SAMHD1: variants seen among roughly 807,000 people sequenced by gnomAD.
SAMHD1 encodes deoxynucleoside triphosphate triphosphohydrolase SAMHD1.
SAMHD1 carries 54 observed loss-of-function variants against 79.6 expected under a neutral mutation model. The observed-to-expected ratio is 0.68, with a 90% CI of 0.55 to 0.85. SAMHD1 has a LOEUF of 0.85. SAMHD1 is among the 40% of genes least tolerant of loss of function. SAMHD1 has a pLI of 0.00. For missense variants in SAMHD1, 663 were observed against 782.7 expected, an observed-to-expected ratio of 0.85 and a Z score of 1.82; for synonymous variants, 260 against 264.1, an observed-to-expected ratio of 0.98 and a Z score of 0.15.
Position 36,919,561 on chromosome 20 carries a change from C to A in SAMHD1, c.697-42G>T, listed in dbSNP as rs144758822. ...CAATATGATGTGTTAAAGATTCTAG[C>A]CCATTGGGAGCCCTGACTAACAAAA... On this transcript the variant is annotated intron_variant, in intron 6 of 15. Transcript: ENST00000646673. 458 of 1,596,988 alleles carry A rather than the reference C, an allele frequency of 2.9e-4. 2 individuals carry two copies. In the African/African-American group the frequency reaches 5.3e-3, roughly 19 times the overall value.
intron 11 of SAMHD1, among the ~76,000 whole-genome samples, chr20:36,905,741 C>T (rs957097121): frequency 8.5e-5 from 13 of 152,078 alleles, no homozygotes; most frequent in Non-Finnish European, 1.8e-4. Context: ...GAGGCCGAGG[C>T]GGGCGGATCA....
At chr20:36,926,882 C>A in intron 6 of SAMHD1, 1 of 308,518 alleles carries the variant, frequency 3.2e-6, no homozygotes, top group Non-Finnish European at 6.1e-6. Context: ...ATTAAACTGG[C>A]AACTGGTTTT....
chr20:36,911,199 G>C lies in SAMHD1; in HGVS notation c.1270+19C>G. The stretch of plus-strand genomic sequence containing the variant: ...AGTTTATCTGAGATGGACCATCTAT[G>C]TTACCTGTTACTTCTTACCTGTCAG... On this transcript the variant is annotated intron_variant, in intron 11 of 15. Transcript: ENST00000646673. 4 of 1,457,364 alleles carry C rather than the reference G, an allele frequency of 2.7e-6. No individual in the cohort carries two copies. The highest frequency in any genetic ancestry group is 3.9e-6 in the Non-Finnish European group (4 of 1,037,758). The allele number at this position is 1,457,364 out of a possible 1,614,324, so 90.3% of individuals were successfully genotyped here.
At chr20:36,923,957 A>G (rs890019141) in intron 6 of SAMHD1, among the ~76,000 whole-genome samples, 1 of 152,138 alleles carries the variant, frequency 6.6e-6, no homozygotes, top group African/African-American at 2.4e-5. Context: ...GTTTTTAAAC[A>G]AAAAAGGACT....
At position 36,916,456 on chromosome 20, in the gene SAMHD1, A is replaced by G. The variant is rs1046359410; in HGVS notation, c.1062+266T>C. 12 of 387,798 alleles carry G rather than the reference A, an allele frequency of 3.1e-5. No individual in the cohort carries two copies. In the East Asian group the frequency reaches 4.8e-4, roughly 15 times the overall value. 24.0% of individuals were successfully genotyped at this position (387,798 alleles called of 1,614,324 possible). On this transcript the variant is annotated intron_variant, in intron 9 of 15. Coordinates refer to ENST00000646673, the MANE Select transcript of SAMHD1 (RefSeq NM_015474.4). ...AGACTAGCCTGGGCAACACAGTGAGATCCTATTTCAAAAAAAAAAAATGCA... is the reference window on the plus strand; with the variant it reads ...AGACTAGCCTGGGCAACACAGTGAGGTCCTATTTCAAAAAAAAAAAATGCA...
In SAMHD1 at chr20:36,928,748, C is replaced by T. The variant is rs555678446; in HGVS notation, c.626-1496G>A. 2.0e-5 allele frequency among the ~76,000 whole-genome samples: 3 copies of T among 150,334 alleles called. No individual in the cohort carries two copies. The East Asian group carries it at 5.9e-4, about 30-fold the overall frequency. ...GAAAAAATTAGAATTTCTCTTATAA[C>T]TCTCAAGCTTAAAAAAATCTATCTT... is the stretch of plus-strand genomic sequence containing the variant. On this transcript the variant is annotated intron_variant, in intron 5 of 15. Transcript: ENST00000646673.
intron 11 of SAMHD1, among the ~76,000 whole-genome samples, chr20:36,906,781 A>G (rs1481874713): frequency 6.6e-6 from 1 of 150,614 alleles, no homozygotes; most frequent in Non-Finnish European, 1.5e-5. Context: ...TTCTCCATAT[A>G]TATATATCTG....
rs144587056 is a variant in SAMHD1 at position 36,927,197 on chromosome 20, C to A, written c.681G>T (p.Pro227=). The A allele has an allele frequency of 6.2e-7, 1 of 1,613,758 alleles. No homozygotes were observed. The highest frequency in any genetic ancestry group is 1.7e-5 in the Admixed American group (1 of 59,984). Residue 227 remains proline, a synonymous_variant, in exon 6 of 16, where the codon CCG becomes CCT. Transcript: ENST00000646673. The part of the protein sequence containing the change: ...FDGRFIPLAR[P]EVKWTHEQGS... ...GAATACATACCGTCCATTTCACCTC[C>A]GGGCGAGCAAGTGGAATAAATCGTC...
chr20:36,906,295 G>A (rs374981986), intron 11 of SAMHD1, among the ~76,000 whole-genome samples: 3 of 152,124 alleles, frequency 2.0e-5, no homozygotes, highest in Admixed American at 1.3e-4. Flanking sequence ...AAAATTAGCC[G>A]GGCATGGCGG....
intron 3 of SAMHD1, among the ~76,000 whole-genome samples, chr20:36,936,024 C>A (rs1184870826): frequency 1.3e-5 from 2 of 151,938 alleles, no homozygotes; most frequent in Non-Finnish European, 2.9e-5. Context: ...CATCTGTAAT[C>A]CCAGCACTTT....
intron 15 of SAMHD1, among the ~76,000 whole-genome samples, chr20:36,896,627 G>A (rs887429426): frequency 7.2e-5 from 11 of 152,044 alleles, no homozygotes; most frequent in African/African-American, 2.4e-4. Flanking sequence ...ACGAGGTCAG[G>A]AGATAGAGAC....
rs761441267 is a variant in SAMHD1, at chr20:36,890,852, C to A, written c.*2080G>T. ...TTGCAAAGAACATAAAGTACAGCTG[C>A]GTTACATGTAACAAAAGATGCAAAC... On this transcript the variant is annotated 3_prime_UTR_variant, in exon 16 of 16. Coordinates refer to ENST00000646673, the MANE Select transcript of SAMHD1 (RefSeq NM_015474.4). The A allele has an allele frequency of 3.3e-5, 5 of 152,124 alleles. No homozygotes were observed. The highest frequency in any genetic ancestry group is 1.2e-4 in the African/African-American group (5 of 41,414). The allele number at this position is 152,124 out of a possible 1,614,324, so 9.4% of individuals were successfully genotyped here. A position where few individuals can be genotyped will look rare whatever the true frequency, so the allele number is the denominator to read the frequency against.
At chr20:36,924,445 T>G (rs190305925) in intron 6 of SAMHD1, among the ~76,000 whole-genome samples, 1 of 151,578 alleles carries the variant, frequency 6.6e-6, no homozygotes, top group Non-Finnish European at 1.5e-5. Flanking sequence ...GAAAAGAGCA[T>G]AAATCAGGAG....
At chr20:36,905,308 T>A in intron 12 of SAMHD1, 56 bp downstream of exon 12, 1 of 1,578,400 alleles carries the variant, frequency 6.3e-7, no homozygotes, top group Non-Finnish European at 8.7e-7. Context: ...GTTAGTGGTC[T>A]CCTCTTGGAG....
intron 15 of SAMHD1, chr20:36,894,134 A>C (rs989504207): frequency 2.5e-6 from 1 of 394,638 alleles, no homozygotes; most frequent in Admixed American, 4.4e-5. Context: ...ATGCTCATTT[A>C]GCTCTGCCAA....
At chr20:36,947,506 T>A (rs1015521149) in intron 1 of SAMHD1, among the ~76,000 whole-genome samples, 2 of 140,430 alleles carry the variant, frequency 1.4e-5, no homozygotes, top group African/African-American at 5.3e-5. Context: ...TGTGTGTGTG[T>A]GTGTGTGTCC....
In SAMHD1 at chr20:36,912,565, A is replaced by G; in HGVS notation, c.1063-13T>C. The G allele has an allele frequency of 3.2e-6, 5 of 1,546,606 alleles. No homozygotes were observed. Among genetic ancestry groups the G allele is most frequent in the Non-Finnish European group, 4.5e-6 (5 of 1,119,232 alleles). Reference sequence around the variant, plus strand: ...GATTTCCAACTTCCTGCAGGAAAACATGAAGTAAATATTAATAGGATCAGA... The same window carrying G: ...GATTTCCAACTTCCTGCAGGAAAACGTGAAGTAAATATTAATAGGATCAGA... On this transcript the variant is annotated splice_polypyrimidine_tract_variant and intron_variant, in intron 9 of 15. Coordinates refer to ENST00000646673, the MANE Select transcript of SAMHD1 (RefSeq NM_015474.4).
At chr20:36,898,910 C>CAAAAAA (rs57902699) in intron 13 of SAMHD1, among the ~76,000 whole-genome samples, 6 of 69,392 alleles carry the variant, frequency 8.6e-5, no homozygotes, top group East Asian at 6.3e-4. Flanking sequence ...GACTCTGACT[C>CAAAAAA]AAAAAAAAAA....
intron 5 of SAMHD1, among the ~76,000 whole-genome samples, chr20:36,930,398 A>C (rs1044414684): frequency 8.6e-5 from 13 of 152,020 alleles, no homozygotes; most frequent in Non-Finnish European, 2.9e-5. Flanking sequence ...CGGGAGGCTG[A>C]GGCACGAGAA....
Sources: allele counts gnomAD v4.1 joint callset (sites outside exome capture counted in the v4.1 genomes callset), GRCh38; gene constraint gnomAD v4.1.1; transcripts MANE v1.5; gene names NCBI Gene and HGNC (gene_info 2026-07-23, HGNC 2026-07-21).